The following SELENOF variants were observed in gnomAD, a reference collection of about 807,000 sequenced individuals.
SELENOF encodes the protein 15 kDa selenoprotein.
In SELENOF, 16 loss-of-function variants were observed where a neutral mutation model predicts 20.5. The observed-to-expected ratio is 0.78, with a 90% confidence interval of 0.53 to 1.19. SELENOF has a LOEUF of 1.19. SELENOF is among the 50% of genes most tolerant of loss of function. The pLI is 0.00. For missense variants in SELENOF, 215 were observed against 194.2 expected (o/e 1.11, Z -0.64); for synonymous variants, 78 against 74.5 (o/e 1.05, Z -0.24).
intron 2 of SELENOF, among the ~76,000 whole-genome samples, chr1:86,900,759 C>G (rs1056772849): frequency 5.3e-5 from 8 of 152,212 alleles, no homozygotes; most frequent in South Asian, 2.1e-4. Flanking sequence ...AGGATGGTCT[C>G]GATCTCCTGA....
chr1:86,902,669 G>C (rs1303916619), intron 2 of SELENOF, among the ~76,000 whole-genome samples: 1 of 152,132 alleles, frequency 6.6e-6, no homozygotes, highest in Non-Finnish European at 1.5e-5. Context: ...GAGTTTTGAT[G>C]AAAATATTTA....
chr1:86,879,668 T>C (rs1271135372), intron 3 of SELENOF, among the ~76,000 whole-genome samples: 1 of 152,178 alleles, frequency 6.6e-6, no homozygotes, highest in Non-Finnish European at 1.5e-5. Flanking sequence ...TGTATTTCAG[T>C]TAAAAAAAAG....
At chr1:86,900,260 G>A (rs1224263986) in intron 2 of SELENOF, among the ~76,000 whole-genome samples, 5 of 151,838 alleles carry the variant, frequency 3.3e-5, no homozygotes, top group African/African-American at 7.3e-5. Flanking sequence ...AGGTTGTAGC[G>A]AGCCGAGATC....
At chr1:86,888,291 C>G (rs1201858909) in intron 2 of SELENOF, among the ~76,000 whole-genome samples, 1 of 149,716 alleles carries the variant, frequency 6.7e-6, no homozygotes, top group East Asian at 1.9e-4. Flanking sequence ...AAAACCAAAA[C>G]AGACTCAAAG....
At chr1:86,901,992 T>TCCAA (rs1223118710) in intron 2 of SELENOF, among the ~76,000 whole-genome samples, 1 of 152,062 alleles carries the variant, frequency 6.6e-6, no homozygotes, top group Non-Finnish European at 1.5e-5. Flanking sequence ...GTTGGTTGAG[T>TCCAA]AGTAGTACAG....
chr1:86,899,727 C>T (rs1299557254), intron 2 of SELENOF, among the ~76,000 whole-genome samples: 1 of 151,564 alleles, frequency 6.6e-6, no homozygotes, highest in Non-Finnish European at 1.5e-5. Context: ...GGCTGCTGGG[C>T]GGAGACGCTC....
rs1658926678 is a variant in SELENOF at position 86,876,504 on chromosome 1, G to C, written c.316+4158C>G. Among the ~76,000 whole-genome samples, 3 of 152,114 alleles carry C rather than the reference G, an allele frequency of 2.0e-5. No individual in the cohort carries two copies. The South Asian group carries it at 6.2e-4, about 31-fold the overall frequency. On this transcript the variant is annotated intron_variant, in intron 3 of 4. Coordinates refer to ENST00000331835, the MANE Select transcript of SELENOF (RefSeq NM_004261.5). ...CTGTATTTTAAGAAGATCTCCAGGT[G>C]ATTCTTATATGTATATTGGTTTAAG...
intron 3 of SELENOF, among the ~76,000 whole-genome samples, chr1:86,869,697 T>C (rs866973746): frequency 3.9e-5 from 6 of 151,934 alleles, no homozygotes; most frequent in Admixed American, 3.9e-4. Flanking sequence ...GTAATACATC[T>C]TTCTTTCTTC....
intron 1 of SELENOF, among the ~76,000 whole-genome samples, chr1:86,909,553 CACA>C (rs1291470286): frequency 2.4e-4 from 37 of 152,268 alleles, no homozygotes; most frequent in African/African-American, 8.9e-4. Flanking sequence ...ACATATGAGA[CACA>C]ACGAAGGGAA....
At chr1:86,864,003 C>CA (rs1197687035) in intron 4 of SELENOF, among the ~76,000 whole-genome samples, 2 of 152,122 alleles carry the variant, frequency 1.3e-5, no homozygotes, top group African/African-American at 4.8e-5. Context: ...AGTAGCAAGA[C>CA]AGTTTATTGG....
chr1:86,887,837 A>G (rs1008535400), intron 2 of SELENOF, among the ~76,000 whole-genome samples: 4 of 152,184 alleles, frequency 2.6e-5, no homozygotes, highest in African/African-American at 9.7e-5. Context: ...CAGGGTCATC[A>G]CTTGGGAACA....
At chr1:86,883,757 A>G (rs372662044) in intron 2 of SELENOF, among the ~76,000 whole-genome samples, 31 of 152,184 alleles carry the variant, frequency 2.0e-4, no homozygotes, top group African/African-American at 6.3e-4. Context: ...AGGATGAAGC[A>G]GCTTTTAAAT....
intron 3 of SELENOF, among the ~76,000 whole-genome samples, chr1:86,875,996 C>T (rs59128739): frequency 0.025 from 3,854 of 151,220 alleles, 85 homozygotes; most frequent in African/African-American, 0.056. Flanking sequence ...TTGTATGTGA[C>T]AGAGAACTAT....
chr1:86,872,846 T>C (rs1658813165), intron 3 of SELENOF, among the ~76,000 whole-genome samples: 1 of 151,750 alleles, frequency 6.6e-6, no homozygotes, highest in Non-Finnish European at 1.5e-5. Context: ...ATTGAGACCA[T>C]CCTGGCTAAC....
At chr1:86,888,128 C>T (rs970750362) in intron 2 of SELENOF, among the ~76,000 whole-genome samples, 5 of 151,880 alleles carry the variant, frequency 3.3e-5, no homozygotes, top group Middle Eastern at 3.2e-3. Flanking sequence ...GGCATGATGG[C>T]GGGTGCCTGT....
At chr1:86,911,679 C>T (rs1264847971) in intron 1 of SELENOF, among the ~76,000 whole-genome samples, 1 of 152,056 alleles carries the variant, frequency 6.6e-6, no homozygotes, top group Non-Finnish European at 1.5e-5. Context: ...AATATAAATA[C>T]TAACTGTGGA....
At position 86,908,430 on chromosome 1, in the gene SELENOF, C is replaced by A. The variant is rs550489660; in HGVS notation, c.85-4982G>T. Among the ~76,000 whole-genome samples, 73 of 152,232 alleles carry A rather than the reference C, an allele frequency of 4.8e-4. 1 individual carries two copies. Among genetic ancestry groups the A allele is most frequent in the African/African-American group, 1.8e-3 (73 of 41,534 alleles). On this transcript the variant is annotated intron_variant, in intron 1 of 4. Coordinates refer to ENST00000331835, the MANE Select transcript of SELENOF (RefSeq NM_004261.5). ...CTTGTGAAAAAGGTATTGTTATCACCATTTTATAAAGAAAGAAACAGGTTT... is the reference window on the plus strand; with the variant it reads ...CTTGTGAAAAAGGTATTGTTATCACAATTTTATAAAGAAAGAAACAGGTTT...
chr1:86,905,109 G>A (rs1012709224), intron 1 of SELENOF, among the ~76,000 whole-genome samples: 2 of 152,010 alleles, frequency 1.3e-5, no homozygotes, highest in Admixed American at 1.3e-4. Flanking sequence ...TAGTAAAATG[G>A]CATCATTTCT....
chr1:86,884,368 CACACACACAT>C, intron 2 of SELENOF, among the ~76,000 whole-genome samples: 1 of 149,544 alleles, frequency 6.7e-6, no homozygotes. Flanking sequence ...CACACACACA[CACACACACAT>C]ATACACACAC....
Sources: gnomAD v4.1 joint callset for allele counts (sites outside exome capture counted in the v4.1 genomes callset) on GRCh38, gnomAD v4.1.1 for gene constraint, MANE v1.5 for transcripts, NCBI Gene and HGNC (gene_info 2026-07-23, HGNC 2026-07-21) for gene names.